The following CACNA2D3 variants were observed in gnomAD, a reference collection of about 807,000 sequenced individuals.
CACNA2D3 encodes the protein calcium voltage-gated channel auxiliary subunit alpha2delta 3.
In CACNA2D3, 60 loss-of-function variants were observed where a neutral mutation model predicts 160.6. That is an observed-to-expected ratio of 0.37 (90% confidence interval 0.30 to 0.46). CACNA2D3 has a LOEUF of 0.46. Among genes scored for constraint, CACNA2D3 ranks in the 20% least tolerant of loss-of-function variants. The pLI, the probability that CACNA2D3 is intolerant of heterozygous loss-of-function variation, is 1.00. For missense variants in CACNA2D3, 1,205 were observed against 1,365.0 expected, an observed-to-expected ratio of 0.88 and a Z score of 1.85; for synonymous variants, 558 against 492.9, an observed-to-expected ratio of 1.13 and a Z score of -1.75.
chr3:54,505,470 C>T (rs754738633), intron 5 of CACNA2D3, among the ~76,000 whole-genome samples: 6 of 152,146 alleles, frequency 3.9e-5, no homozygotes, highest in Non-Finnish European at 5.9e-5. Flanking sequence ...CTACCCTACT[C>T]TTTACTTTGG....
intron 9 of CACNA2D3, among the ~76,000 whole-genome samples, chr3:54,607,437 G>A (rs192843071): frequency 9.1e-4 from 139 of 152,068 alleles, no homozygotes; most frequent in Admixed American, 4.0e-3. Flanking sequence ...TTCTCCTGCC[G>A]ATGAGGCCGG....
intron 2 of CACNA2D3, among the ~76,000 whole-genome samples, chr3:54,142,006 G>A (rs1576954387): frequency 6.6e-6 from 1 of 152,356 alleles, no homozygotes; most frequent in Middle Eastern, 3.4e-3. Context: ...TCTCCTTGCA[G>A]TTCCATGAAG....
At chr3:54,255,885 CT>C (rs1320509655) in intron 2 of CACNA2D3, among the ~76,000 whole-genome samples, 3 of 152,052 alleles carry the variant, frequency 2.0e-5, no homozygotes, top group African/African-American at 7.2e-5. Flanking sequence ...TTTTACCCCC[CT>C]GTATAGAAAT....
intron 5 of CACNA2D3, among the ~76,000 whole-genome samples, chr3:54,510,369 A>G (rs563244973): frequency 5.9e-4 from 90 of 152,208 alleles, no homozygotes; most frequent in Non-Finnish European, 1.2e-3. Context: ...CATGTGTTAT[A>G]GAAGCAGTGG....
chr3:54,230,937 T>C (rs1226910108), intron 2 of CACNA2D3, among the ~76,000 whole-genome samples: 1 of 152,078 alleles, frequency 6.6e-6, no homozygotes, highest in Admixed American at 6.5e-5. Context: ...GTAAATGGGG[T>C]CTATCGCCAA....
intron 3 of CACNA2D3, among the ~76,000 whole-genome samples, chr3:54,363,099 G>A (rs533729137): frequency 7.9e-5 from 12 of 152,230 alleles, no homozygotes; most frequent in African/African-American, 2.9e-4. Flanking sequence ...GGAGGCTGAG[G>A]CAGAGGAATT....
intron 27 of CACNA2D3, among the ~76,000 whole-genome samples, chr3:54,946,914 C>T (rs1701630170): frequency 6.6e-6 from 1 of 151,944 alleles, no homozygotes; most frequent in Non-Finnish European, 1.5e-5. Context: ...GTAATTGTAA[C>T]ACTGTGTCAA....
At chr3:54,930,342 T>G (rs1701152828) in intron 27 of CACNA2D3, among the ~76,000 whole-genome samples, 1 of 152,230 alleles carries the variant, frequency 6.6e-6, no homozygotes, top group African/African-American at 2.4e-5. Context: ...GGCCTTCTTA[T>G]GTCCAGAACC....
chr3:54,550,441 C>T, intron 5 of CACNA2D3, among the ~76,000 whole-genome samples: 1 of 152,226 alleles, frequency 6.6e-6, no homozygotes, highest in Non-Finnish European at 1.5e-5. Flanking sequence ...TGGCTCCCGC[C>T]AAGAAAGCAC....
At chr3:54,860,001 CACACACACACACAA>C (rs1278918264) in intron 17 of CACNA2D3, among the ~76,000 whole-genome samples, 2 of 151,844 alleles carry the variant, frequency 1.3e-5, no homozygotes, top group Non-Finnish European at 2.9e-5. Context: ...CACACACACA[CACACACACACACAA>C]ACACACATAT....
intron 11 of CACNA2D3, among the ~76,000 whole-genome samples, chr3:54,646,144 T>TCCC (rs1559537855): frequency 3.3e-5 from 1 of 30,312 alleles, no homozygotes; most frequent in African/African-American, 8.5e-5. Context: ...CCTTCCTTCC[T>TCCC]TCCTTCCCTC....
chr3:54,774,260 T>C (rs1300543675), intron 13 of CACNA2D3, among the ~76,000 whole-genome samples: 1 of 152,174 alleles, frequency 6.6e-6, no homozygotes, highest in Non-Finnish European at 1.5e-5. Flanking sequence ...GGGTAATTTA[T>C]AACGAAAAGA....
chr3:54,688,378 C>T (rs1452574525), intron 11 of CACNA2D3, among the ~76,000 whole-genome samples: 1 of 151,868 alleles, frequency 6.6e-6, no homozygotes, highest in Admixed American at 6.6e-5. Context: ...TTTTCACTTT[C>T]TCTTTTTCCT....
At chr3:54,338,487 G>C (rs1424993478) in intron 3 of CACNA2D3, among the ~76,000 whole-genome samples, 1 of 151,078 alleles carries the variant, frequency 6.6e-6, no homozygotes, top group African/African-American at 2.4e-5. Flanking sequence ...GTGTGTGTGT[G>C]TGTGTGTGTG....
chr3:54,708,727 A>C (rs1157274861), intron 11 of CACNA2D3, among the ~76,000 whole-genome samples: 2 of 152,230 alleles, frequency 1.3e-5, no homozygotes, highest in African/African-American at 4.8e-5. Flanking sequence ...AGGCGGCTCC[A>C]GAATTTCCTC....
intron 5 of CACNA2D3, among the ~76,000 whole-genome samples, chr3:54,554,478 G>T (rs1180616454): frequency 6.6e-6 from 1 of 152,180 alleles, no homozygotes; most frequent in Non-Finnish European, 1.5e-5. Context: ...GTCTACCCTG[G>T]ATAGTCTCAG....
At chr3:54,350,982 G>GTTTTTTTTTTTTTTTTTTTTTTTTTTTT (rs1491034355) in intron 3 of CACNA2D3, among the ~76,000 whole-genome samples, 1 of 61,800 alleles carries the variant, frequency 1.6e-5, no homozygotes, top group Non-Finnish European at 3.0e-5. Flanking sequence ...TTTTTTTTTT[G>GTTTTTTTTTTTTTTTTTTTTTTTTTTTT]TTTGTTTTTT....
intron 20 of CACNA2D3, 67 bp downstream of exon 20, chr3:54,879,478 G>A (rs369569673): frequency 1.2e-4 from 134 of 1,122,590 alleles, no homozygotes; most frequent in Admixed American, 2.6e-4. Context: ...AAAACCTGCT[G>A]ACACTCTCAG....
At chr3:54,312,475 TGGAGC>T (rs1429040323) in intron 2 of CACNA2D3, among the ~76,000 whole-genome samples, 1 of 152,176 alleles carries the variant, frequency 6.6e-6, no homozygotes, top group East Asian at 1.9e-4. Flanking sequence ...GTCTCCTGAC[TGGAGC>T]TCCCTCTCTG....
Sources: allele counts gnomAD v4.1 joint callset (sites outside exome capture counted in the v4.1 genomes callset), GRCh38; gene constraint gnomAD v4.1.1; transcripts MANE v1.5; gene names NCBI Gene and HGNC (gene_info 2026-07-23, HGNC 2026-07-21).